The following TMEM178B variants were observed in gnomAD, a reference collection of about 807,000 sequenced individuals.
TMEM178B encodes transmembrane protein 178B.
A neutral mutation model predicts 31.0 loss-of-function variants in TMEM178B; 5 were observed. The observed-to-expected ratio is 0.16, with a 90% CI of 0.08 to 0.34. The LOEUF (loss-of-function observed/expected upper bound fraction) is 0.34. Ranked by LOEUF, TMEM178B falls within the 10% of genes least tolerant of loss-of-function variation. The pLI, the probability that TMEM178B is intolerant of heterozygous loss-of-function variation, is 1.00. For missense variants in TMEM178B, 275 were observed against 400.3 expected (o/e 0.69, Z 2.67); for synonymous variants, 164 against 164.0 (o/e 1.00, Z 0.00).
At chr7:141,389,016 C>A (rs1295931729) in intron 2 of TMEM178B, among the ~76,000 whole-genome samples, 1 of 152,106 alleles carries the variant, frequency 6.6e-6, no homozygotes, top group Non-Finnish European at 1.5e-5. Context: ...TCCTAGGTTC[C>A]AAAGTCCAAC....
intron 2 of TMEM178B, among the ~76,000 whole-genome samples, chr7:141,307,275 TA>T (rs752765132): frequency 6.6e-6 from 1 of 152,238 alleles, no homozygotes; most frequent in Non-Finnish European, 1.5e-5. Context: ...ATTTTTGTTT[TA>T]AAAATGGAAA....
At chr7:141,096,444 AG>A (rs1304651948) in intron 1 of TMEM178B, among the ~76,000 whole-genome samples, 2 of 152,204 alleles carry the variant, frequency 1.3e-5, no homozygotes, top group East Asian at 3.9e-4. Context: ...TTAGAAGGCA[AG>A]GACTGAAGAT....
chr7:141,326,404 C>T (rs1799190942), intron 2 of TMEM178B, among the ~76,000 whole-genome samples: 1 of 152,092 alleles, frequency 6.6e-6, no homozygotes, highest in Admixed American at 6.6e-5. Context: ...TCTTATTACT[C>T]ATGATAATAC....
intron 1 of TMEM178B, among the ~76,000 whole-genome samples, chr7:141,185,866 AGG>A (rs1389326495): frequency 6.6e-6 from 1 of 152,068 alleles, no homozygotes; most frequent in Non-Finnish European, 1.5e-5. Context: ...TGTTGCATTC[AGG>A]GCTTTTCTGG....
At chr7:141,126,114 G>T (rs756040441) in intron 1 of TMEM178B, among the ~76,000 whole-genome samples, 1 of 152,194 alleles carries the variant, frequency 6.6e-6, no homozygotes, top group Non-Finnish European at 1.5e-5. Context: ...AGTTGGTTTG[G>T]TAGGAGTTCG....
At chr7:141,135,902 A>G (rs1795668367) in intron 1 of TMEM178B, among the ~76,000 whole-genome samples, 1 of 152,216 alleles carries the variant, frequency 6.6e-6, no homozygotes, top group South Asian at 2.1e-4. Flanking sequence ...AAAAATACAA[A>G]GGATCAGTGA....
intron 1 of TMEM178B, among the ~76,000 whole-genome samples, chr7:141,128,541 G>GAA (rs890681215): frequency 7.1e-6 from 1 of 141,824 alleles, no homozygotes; most frequent in Non-Finnish European, 1.5e-5. Context: ...TTGGATCCTT[G>GAA]AAAAAAAAAA....
At chr7:141,270,009 G>T (rs765948067) in intron 2 of TMEM178B, among the ~76,000 whole-genome samples, 2 of 152,102 alleles carry the variant, frequency 1.3e-5, no homozygotes, top group Non-Finnish European at 2.9e-5. Context: ...AGGCTGCAGT[G>T]AGCCAAGATT....
intron 2 of TMEM178B, among the ~76,000 whole-genome samples, chr7:141,362,367 C>T (rs1457718541): frequency 6.6e-6 from 1 of 152,170 alleles, no homozygotes. Flanking sequence ...CCTGTTTTGG[C>T]TTTGAAGTGT....
chr7:141,452,229 CT>C (rs1324729728), intron 3 of TMEM178B, among the ~76,000 whole-genome samples: 1 of 152,204 alleles, frequency 6.6e-6, no homozygotes, highest in African/African-American at 2.4e-5. Flanking sequence ...TTTAAAAATG[CT>C]TTCTAGACAT....
At chr7:141,322,721 G>C (rs964314709) in intron 2 of TMEM178B, among the ~76,000 whole-genome samples, 2 of 152,168 alleles carry the variant, frequency 1.3e-5, no homozygotes, top group Admixed American at 1.3e-4. Flanking sequence ...GGTTACCCCA[G>C]CCTGCCTGGA....
At chr7:141,450,015 G>T (rs1801835136) in intron 3 of TMEM178B, among the ~76,000 whole-genome samples, 1 of 152,200 alleles carries the variant, frequency 6.6e-6, no homozygotes, top group East Asian at 1.9e-4. Context: ...ACTGGGACAG[G>T]CAGGAAATGG....
intron 1 of TMEM178B, among the ~76,000 whole-genome samples, chr7:141,103,548 GTC>G (rs1795092627): frequency 6.6e-6 from 1 of 152,000 alleles, no homozygotes; most frequent in African/African-American, 2.4e-5. Flanking sequence ...TATCTCATTT[GTC>G]TGTTTATTCT....
intron 2 of TMEM178B, among the ~76,000 whole-genome samples, chr7:141,218,401 TACC>T (rs1306226623): frequency 6.6e-6 from 1 of 152,112 alleles, no homozygotes. Context: ...TTAGTGTCCA[TACC>T]ACTAGGAGGG....
At chr7:141,289,147 T>A (rs1357437378) in intron 2 of TMEM178B, among the ~76,000 whole-genome samples, 1 of 152,200 alleles carries the variant, frequency 6.6e-6, no homozygotes, top group African/African-American at 2.4e-5. Flanking sequence ...TCATTTGCCA[T>A]AAGCTCTGGT....
At chr7:141,431,194 A>G (rs1281284693) in intron 2 of TMEM178B, 2 of 152,064 alleles carry the variant, frequency 1.3e-5, no homozygotes, top group African/African-American at 4.8e-5. Flanking sequence ...CATGAAAAAA[A>G]AATCCCAGTC....
intron 3 of TMEM178B, among the ~76,000 whole-genome samples, chr7:141,460,505 T>A (rs1035981097): frequency 6.6e-6 from 1 of 152,222 alleles, no homozygotes; most frequent in Admixed American, 6.5e-5. Context: ...AGGGCAAAAT[T>A]CCTGTGTTTC....
intron 2 of TMEM178B, among the ~76,000 whole-genome samples, chr7:141,298,764 A>G (rs886305237): frequency 5.9e-5 from 9 of 152,244 alleles, no homozygotes; most frequent in African/African-American, 2.2e-4. Context: ...AAGAGGACCA[A>G]TTCCTTATAT....
chr7:141,397,638 G>T (rs1046838259), intron 2 of TMEM178B, among the ~76,000 whole-genome samples: 1 of 152,160 alleles, frequency 6.6e-6, no homozygotes, highest in Non-Finnish European at 1.5e-5. Context: ...TCTGGTTTCA[G>T]CTCTGTCACT....
Sources: allele counts gnomAD v4.1 joint callset (sites outside exome capture counted in the v4.1 genomes callset), GRCh38; gene constraint gnomAD v4.1.1; transcripts MANE v1.5; gene names NCBI Gene and HGNC (gene_info 2026-07-23, HGNC 2026-07-21).